The following ACTR3C variants were observed in gnomAD, a reference collection of about 807,000 sequenced individuals.
ACTR3C encodes the protein actin related protein 3C, also known as actin-related protein 3C.
ACTR3C carries 18 observed loss-of-function variants against 26.3 expected under a neutral mutation model. That is an observed-to-expected ratio of 0.68 (90% confidence interval 0.47 to 1.01). ACTR3C has a LOEUF of 1.01. ACTR3C is among the 50% of genes least tolerant of loss of function. The pLI is 0.00. For synonymous variants in ACTR3C, 55 were observed against 94.5 expected (o/e 0.58, Z 2.42); for missense variants, 184 against 250.7 (o/e 0.73, Z 1.80).
At chr7:150,035,175 G>A in the ACTR3C span, among the ~76,000 whole-genome samples, 1 of 140,636 alleles carries the variant, frequency 7.1e-6, no homozygotes, top group Non-Finnish European at 1.6e-5. Context: ...GGGGGGAAGA[G>A]GGTCTGGCTC....
At chr7:150,217,149 A>G in the ACTR3C span, among the ~76,000 whole-genome samples, 1 of 146,342 alleles carries the variant, frequency 6.8e-6, no homozygotes, top group Admixed American at 6.6e-5. Context: ...AGCCCCACAC[A>G]TGGATTAGTT....
chr7:150,060,375 C>CA, the ACTR3C span, among the ~76,000 whole-genome samples: 5,991 of 147,516 alleles, frequency 0.041, 109 homozygotes, highest in African/African-American at 0.13. Context: ...TAAAAAGTGA[C>CA]AAAAAAACAC....
At chr7:150,139,027 T>C in the ACTR3C span, among the ~76,000 whole-genome samples, 1 of 152,280 alleles carries the variant, frequency 6.6e-6, no homozygotes, top group African/African-American at 2.4e-5. Flanking sequence ...TTCTATATTA[T>C]GGGGAGTTGT....
At chr7:150,287,330 G>C (rs1283143507) in intron 4 of ACTR3C, among the ~76,000 whole-genome samples, 1 of 151,882 alleles carries the variant, frequency 6.6e-6, no homozygotes, top group Non-Finnish European at 1.5e-5. Context: ...AGGAAAAGCA[G>C]AGTCAGGTGG....
At chr7:150,020,594 G>A in the ACTR3C span, among the ~76,000 whole-genome samples, 1 of 151,878 alleles carries the variant, frequency 6.6e-6, no homozygotes, top group South Asian at 2.1e-4. Flanking sequence ...GCCACACCTG[G>A]CTATCAGTGG....
chr7:150,143,238 C>G, the ACTR3C span, among the ~76,000 whole-genome samples: 11,953 of 152,062 alleles, frequency 0.079, 557 homozygotes, highest in Middle Eastern at 0.14. Flanking sequence ...TCTCCTGAAA[C>G]GCATTTTGTT....
the ACTR3C span, among the ~76,000 whole-genome samples, chr7:150,237,395 G>T: frequency 6.6e-6 from 1 of 152,090 alleles, no homozygotes; most frequent in Non-Finnish European, 1.5e-5. Flanking sequence ...CCCACCCACA[G>T]CCCTAGAGAA....
At chr7:150,075,571 A>G in the ACTR3C span, among the ~76,000 whole-genome samples, 1 of 152,306 alleles carries the variant, frequency 6.6e-6, no homozygotes, top group East Asian at 1.9e-4. Flanking sequence ...TGGGACATTT[A>G]AAAAAGGAGT....
At chr7:150,214,629 C>T in the ACTR3C span, among the ~76,000 whole-genome samples, 3,630 of 151,624 alleles carry the variant, frequency 0.024, 54 homozygotes, top group Middle Eastern at 0.044. Context: ...AGAATAGGAC[C>T]GAAAAAAAGT....
At chr7:150,046,381 A>G in the ACTR3C span, among the ~76,000 whole-genome samples, 3 of 98,640 alleles carry the variant, frequency 3.0e-5, no homozygotes, top group Non-Finnish European at 5.9e-5. Context: ...CAACTCTTGC[A>G]CTAAAGAAAT....
chr7:149,956,530 T>C, the ACTR3C span, among the ~76,000 whole-genome samples: 5 of 152,334 alleles, frequency 3.3e-5, no homozygotes, highest in South Asian at 1.0e-3. Context: ...TGTTTACATG[T>C]TTATTTGTGG....
chr7:149,965,558 T>A, the ACTR3C span, among the ~76,000 whole-genome samples: 970 of 151,348 alleles, frequency 6.4e-3, 10 homozygotes, highest in African/African-American at 0.022. Flanking sequence ...GCAGTCACAG[T>A]CAGAGAATAT....
At chr7:150,005,661 AC>A in the ACTR3C span, among the ~76,000 whole-genome samples, 1 of 151,916 alleles carries the variant, frequency 6.6e-6, no homozygotes, top group Non-Finnish European at 1.5e-5. Flanking sequence ...TTTCTTAGGG[AC>A]CTTATCCTTT....
At chr7:150,123,782 G>T in the ACTR3C span, among the ~76,000 whole-genome samples, 6 of 152,194 alleles carry the variant, frequency 3.9e-5, no homozygotes. Flanking sequence ...AGCTCCTGCA[G>T]CTTAGAAGAA....
At chr7:150,114,709 G>A in the ACTR3C span, among the ~76,000 whole-genome samples, 1 of 152,316 alleles carries the variant, frequency 6.6e-6, no homozygotes, top group East Asian at 1.9e-4. Flanking sequence ...ACATCAGAAT[G>A]TGTAACCAGT....
intron 6 of ACTR3C, among the ~76,000 whole-genome samples, chr7:150,283,959 A>C (rs1352908794): frequency 1.3e-5 from 2 of 151,086 alleles, no homozygotes; most frequent in Non-Finnish European, 2.9e-5. Flanking sequence ...TATAGACTAG[A>C]TTTTCCTCAT....
chr7:150,297,950 C>T (rs1180592709), intron 1 of ACTR3C, among the ~76,000 whole-genome samples: 3 of 150,584 alleles, frequency 2.0e-5, no homozygotes, highest in Non-Finnish European at 2.9e-5. Context: ...TCAAGTTGAG[C>T]AGTGCACAAG....
At chr7:149,903,946 C>A in the ACTR3C span, among the ~76,000 whole-genome samples, 838 of 113,570 alleles carry the variant, frequency 7.4e-3, 28 homozygotes, top group South Asian at 0.071. Context: ...TTTGAGACAG[C>A]GTCTGGTTCT....
the ACTR3C span, among the ~76,000 whole-genome samples, chr7:150,041,903 TC>T: frequency 9.8e-6 from 1 of 101,718 alleles, no homozygotes; most frequent in African/African-American, 3.6e-5. Context: ...ATGGGGGTCC[TC>T]AGAGCCAGGG....
Sources: allele counts gnomAD v4.1 joint callset (sites outside exome capture counted in the v4.1 genomes callset), GRCh38; gene constraint gnomAD v4.1.1; transcripts MANE v1.5; gene names NCBI Gene and HGNC (gene_info 2026-07-23, HGNC 2026-07-21).